The following TRIM37 variants were observed in gnomAD, a reference collection of about 807,000 sequenced individuals.
TRIM37 encodes tripartite motif containing 37.
TRIM37 carries 80 observed loss-of-function variants against 129.8 expected under a neutral mutation model. The ratio of observed to expected loss-of-function variants is 0.62; its 90% CI spans 0.51 to 0.74. The LOEUF (loss-of-function observed/expected upper bound fraction) is 0.74, where lower values mean the gene tolerates loss of function less well. Among genes scored for constraint, TRIM37 ranks in the 30% least tolerant of loss-of-function variants. TRIM37 has a pLI of 0.00. For missense variants in TRIM37, 1,054 were observed against 1,176.5 expected (o/e 0.90, Z 1.52); for synonymous variants, 389 against 387.1 (o/e 1.00, Z -0.06).
downstream of TRIM37, among the ~76,000 whole-genome samples, chr17:58,993,876 G>A (rs536882456): frequency 5.8e-4 from 88 of 152,176 alleles, no homozygotes; most frequent in Non-Finnish European, 8.2e-4. Context: ...ACAATGAAGG[G>A]ATTTTGTGAA....
At chr17:59,000,304 A>C (rs1201466006) in intron 23 of TRIM37, among the ~76,000 whole-genome samples, 6 of 152,230 alleles carry the variant, frequency 3.9e-5, no homozygotes, top group Non-Finnish European at 8.8e-5. Context: ...AACTATTTAT[A>C]AAATATTTAG....
chr17:59,005,823 A>C (rs2034410178), intron 22 of TRIM37, among the ~76,000 whole-genome samples: 1 of 152,184 alleles, frequency 6.6e-6, no homozygotes, highest in African/African-American at 2.4e-5. Context: ...TAAGTATACC[A>C]TGTGTAAACT....
chr17:58,979,053 C>A (rs1339551931), downstream of TRIM37, among the ~76,000 whole-genome samples: 1 of 152,186 alleles, frequency 6.6e-6, no homozygotes, highest in Non-Finnish European at 1.5e-5. Flanking sequence ...TGATAACTAA[C>A]TTACCCTTCA....
At chr17:59,095,917 G>C (rs1181058910) in intron 2 of TRIM37, among the ~76,000 whole-genome samples, 1 of 152,078 alleles carries the variant, frequency 6.6e-6, no homozygotes, top group Non-Finnish European at 1.5e-5. Flanking sequence ...ATGGGATCTT[G>C]CCATGTTGCT....
chr17:59,030,991 A>G (rs540357866), intron 18 of TRIM37, among the ~76,000 whole-genome samples: 1 of 152,320 alleles, frequency 6.6e-6, no homozygotes, highest in Non-Finnish European at 1.5e-5. Flanking sequence ...ACTGTTTCAT[A>G]ACCTGAAGAT....
At chr17:59,089,330 T>G (rs920910487) in intron 3 of TRIM37, among the ~76,000 whole-genome samples, 2 of 152,078 alleles carry the variant, frequency 1.3e-5, no homozygotes, top group Non-Finnish European at 2.9e-5. Flanking sequence ...TGTGACTCTT[T>G]TAAGTTAAAA....
In TRIM37 at chr17:58,999,268, G is replaced by A. The variant is rs879099043; in HGVS notation, c.*109C>T. On this transcript the variant is annotated 3_prime_UTR_variant, in exon 24 of 24. Coordinates refer to ENST00000262294, the MANE Select transcript of TRIM37 (RefSeq NM_015294.6). ...AATTACTATTTCAGGTCGAGATAAT[G>A]AAGAAATAAGACCAAATCTGATTAT... 2.5e-6 allele frequency: 4 copies of A among 1,604,274 alleles called. No individual in the cohort carries two copies. The highest frequency in any genetic ancestry group is 2.2e-5 in the South Asian group (2 of 90,128).
intron 11 of TRIM37, 91 bp from the exon 12 acceptor site, chr17:59,061,199 C>T: frequency 1.0e-6 from 1 of 958,018 alleles, no homozygotes; most frequent in Non-Finnish European, 1.7e-6. Flanking sequence ...TTGAGAAGTA[C>T]TTCTAAGCCT....
chr17:59,067,054 T>A (rs1040634816), intron 9 of TRIM37, among the ~76,000 whole-genome samples: 13 of 151,660 alleles, frequency 8.6e-5, no homozygotes, highest in African/African-American at 2.2e-4. Flanking sequence ...TTATTTATTT[T>A]TTTGAGACGC....
At chr17:58,993,636 G>C (rs527272542), downstream of TRIM37, among the ~76,000 whole-genome samples, 13 of 152,178 alleles carry the variant, frequency 8.5e-5, no homozygotes, top group African/African-American at 1.9e-4. Context: ...TGTGGGGAAG[G>C]GGGGTGGTTA....
chr17:58,970,862 C>T, the TRIM37 span, among the ~76,000 whole-genome samples: 4 of 151,952 alleles, frequency 2.6e-5, no homozygotes, highest in Admixed American at 2.6e-4. Flanking sequence ...AGGGCCGGCC[C>T]CTGAGAGGTG....
In TRIM37 at chr17:59,052,489, T is replaced by A. The variant is rs148190377; in HGVS notation, c.1200-1161A>T. Among the ~76,000 whole-genome samples the A allele has an allele frequency of 2.4e-3, 361 of 152,344 alleles. 4 individuals are homozygous for A. The highest frequency in any genetic ancestry group is 8.3e-3 in the African/African-American group (345 of 41,590). ...TGACCATTTAACAGTTATCTGGCAG[T>A]AGATATCTAGTTTTAGTGAAGAATA... On this transcript the variant is annotated intron_variant, in intron 13 of 23. Coordinates refer to ENST00000262294, the MANE Select transcript of TRIM37 (RefSeq NM_015294.6).
intron 14 of TRIM37, among the ~76,000 whole-genome samples, chr17:59,050,137 A>C (rs2040198702): frequency 6.6e-6 from 1 of 152,228 alleles, no homozygotes; most frequent in South Asian, 2.1e-4. Context: ...AATCTTCCCC[A>C]GTGCTCATTC....
At chr17:59,010,348 AAAG>A (rs2035096898) in intron 22 of TRIM37, among the ~76,000 whole-genome samples, 1 of 152,208 alleles carries the variant, frequency 6.6e-6, no homozygotes, top group East Asian at 1.9e-4. Context: ...CCTGTAAAAT[AAAG>A]AATTATGTGG....
downstream of TRIM37, among the ~76,000 whole-genome samples, chr17:58,997,265 A>C (rs1468661254): frequency 6.6e-6 from 1 of 152,172 alleles, no homozygotes; most frequent in African/African-American, 2.4e-5. Context: ...CTCTTGCACA[A>C]TTTTTTCAAC....
chr17:59,003,049 A>G (rs1375545115), intron 22 of TRIM37, among the ~76,000 whole-genome samples: 1 of 151,970 alleles, frequency 6.6e-6, no homozygotes, highest in Middle Eastern at 3.2e-3. Flanking sequence ...TAATTTTTGT[A>G]ATTTGTTAGT....
At chr17:58,983,300 C>T (rs759412611) in intron 24 of TRIM37, 8 of 169,604 alleles carry the variant, frequency 4.7e-5, no homozygotes, top group African/African-American at 9.5e-5. Flanking sequence ...TCACAACATG[C>T]GTATTTATAG....
At chr17:59,068,782 C>T (rs1358513547) in intron 9 of TRIM37, among the ~76,000 whole-genome samples, 1 of 152,176 alleles carries the variant, frequency 6.6e-6, no homozygotes, top group Non-Finnish European at 1.5e-5. Flanking sequence ...CTTTGCCCTT[C>T]TGTTTATAGG....
chr17:58,999,430 G>A lies in TRIM37; in HGVS notation c.2842C>T (p.Gln948Ter). 1 of 1,613,432 alleles carries A rather than the reference G, an allele frequency of 6.2e-7. No homozygotes were observed. Among genetic ancestry groups the A allele is most frequent in the Non-Finnish European group, 8.5e-7 (1 of 1,179,748 alleles). ...DTHSSFPDGE[Q>*]IGPEDLSFNT... is the part of the protein sequence containing the mutation. ...AAGCTGAGATCTTCAGGGCCTATTT[G>A]TTCACCATCAGGAAAACTGGAATGT... is the stretch of plus-strand genomic sequence containing the variant. The change falls in exon 24 of 24, where the codon CAA becomes TAA. Residue 948 changes from glutamine (Q) to a stop codon, truncating the protein, a stop_gained. Transcript: ENST00000262294. LOFTEE classifies it high-confidence loss of function.
Sources: gnomAD v4.1 joint callset for allele counts (sites outside exome capture counted in the v4.1 genomes callset) on GRCh38, gnomAD v4.1.1 for gene constraint, MANE v1.5 for transcripts, NCBI Gene and HGNC (gene_info 2026-07-23, HGNC 2026-07-21) for gene names.